Variants in FCHSD2 observed in about 807,000 individuals in gnomAD.
FCHSD2 encodes the protein FCH and double SH3 domains 2.
A neutral mutation model predicts 108.1 loss-of-function variants in FCHSD2; 38 were observed. That is an observed-to-expected ratio of 0.35 (90% CI 0.27 to 0.46). The LOEUF is 0.46. Among genes scored for constraint, FCHSD2 ranks in the 20% least tolerant of loss-of-function variants. The pLI is 1.00. For missense variants in FCHSD2, 751 were observed against 897.8 expected (o/e 0.84, Z 2.09); for synonymous variants, 279 against 314.7 (o/e 0.89, Z 1.20).
chr11:73,011,150 C>A (rs906321647), intron 4 of FCHSD2, among the ~76,000 whole-genome samples: 2 of 152,138 alleles, frequency 1.3e-5, no homozygotes, highest in African/African-American at 4.8e-5. Flanking sequence ...AGCCTGTGTG[C>A]TCTGGCATGG....
intron 3 of FCHSD2, among the ~76,000 whole-genome samples, chr11:73,083,471 C>A (rs900494910): frequency 2.6e-5 from 4 of 151,942 alleles, no homozygotes; most frequent in African/African-American, 9.7e-5. Context: ...ATCGCTTGAA[C>A]CTGAGAGGCG....
chr11:73,051,200 A>G (rs1565385734), intron 3 of FCHSD2, among the ~76,000 whole-genome samples: 1 of 152,162 alleles, frequency 6.6e-6, no homozygotes, highest in Non-Finnish European at 1.5e-5. Context: ...TGGTGCTGCC[A>G]GTGGTGTTGC....
intron 13 of FCHSD2, among the ~76,000 whole-genome samples, chr11:72,856,516 AG>A (rs1443253946): frequency 6.6e-6 from 1 of 152,218 alleles, no homozygotes; most frequent in African/African-American, 2.4e-5. Context: ...TAAAAATAAA[AG>A]GGAAAAGATT....
At chr11:73,083,390 A>T (rs1206392551) in intron 3 of FCHSD2, among the ~76,000 whole-genome samples, 1 of 152,050 alleles carries the variant, frequency 6.6e-6, no homozygotes, top group African/African-American at 2.4e-5. Context: ...CTCTACTAAA[A>T]ATACAAAAAT....
intron 3 of FCHSD2, among the ~76,000 whole-genome samples, chr11:73,083,333 A>G (rs1309400354): frequency 6.6e-6 from 1 of 152,034 alleles, no homozygotes; most frequent in Non-Finnish European, 1.5e-5. Flanking sequence ...GACGGATCAT[A>G]AGGTCAAGAG....
chr11:73,000,984 C>A lies in FCHSD2; in HGVS notation c.387+6G>T, dbSNP rs749239138. On this transcript the variant is annotated splice_donor_region_variant and intron_variant, in intron 5 of 19. Transcript: ENST00000409418. ...ATGCATATAAGAACAGAAATAAAAA[C>A]AATACCCTTTTTAGTTGCTGTTCTT... is the stretch of plus-strand genomic sequence containing the variant. 1.9e-6 allele frequency: 3 copies of A among 1,598,132 alleles called. No homozygotes were observed. Among genetic ancestry groups the A allele is most frequent in the Non-Finnish European group, 2.6e-6 (3 of 1,171,410 alleles).
intron 6 of FCHSD2, among the ~76,000 whole-genome samples, chr11:72,987,972 A>G (rs1390311269): frequency 1.3e-5 from 2 of 152,196 alleles, no homozygotes; most frequent in Admixed American, 1.3e-4. Flanking sequence ...GAAATATTAA[A>G]TGTGTTTTCC....
At chr11:73,083,500 G>A (rs566038300) in intron 3 of FCHSD2, among the ~76,000 whole-genome samples, 195 bp downstream of exon 3, 1 of 150,774 alleles carries the variant, frequency 6.6e-6, no homozygotes, top group South Asian at 2.1e-4. Context: ...AGTGAGCCAA[G>A]ATTGCGCCAC....
intron 3 of FCHSD2, among the ~76,000 whole-genome samples, chr11:73,027,293 T>C (rs189050305): frequency 2.6e-5 from 4 of 152,230 alleles, no homozygotes; most frequent in Admixed American, 2.0e-4. Flanking sequence ...TATTGAGAAC[T>C]AGAGCAAAGG....
chr11:72,863,130 T>C (rs983757589), intron 13 of FCHSD2, among the ~76,000 whole-genome samples: 4 of 151,978 alleles, frequency 2.6e-5, no homozygotes, highest in African/African-American at 9.7e-5. Context: ...CAGGGTCTAC[T>C]ATGTTGCTCA....
At chr11:72,968,522 C>T (rs1018438687) in intron 8 of FCHSD2, among the ~76,000 whole-genome samples, 2 of 152,208 alleles carry the variant, frequency 1.3e-5, no homozygotes, top group Admixed American at 1.3e-4. Flanking sequence ...AACTGTGGCA[C>T]ATGTATCTTA....
intron 2 of FCHSD2, among the ~76,000 whole-genome samples, chr11:73,090,233 T>TC (rs1364704277): frequency 3.5e-5 from 5 of 142,228 alleles, no homozygotes; most frequent in Non-Finnish European, 4.6e-5. Context: ...TTTTTTTTTT[T>TC]TTTTTTTTTT....
At chr11:73,083,632 T>G in intron 3 of FCHSD2, 63 bp downstream of exon 3, 2 of 994,368 alleles carry the variant, frequency 2.0e-6, no homozygotes, top group Admixed American at 4.2e-5. Context: ...CCAAAAACCA[T>G]CTCTGTCCTT....
intron 10 of FCHSD2, among the ~76,000 whole-genome samples, chr11:72,899,961 C>T (rs1267312718): frequency 6.6e-6 from 1 of 152,088 alleles, no homozygotes; most frequent in Non-Finnish European, 1.5e-5. Flanking sequence ...ACAAGTCTCC[C>T]TTACTAGGCT....
intron 8 of FCHSD2, among the ~76,000 whole-genome samples, chr11:72,943,403 T>C (rs1177346006): frequency 6.6e-6 from 1 of 152,188 alleles, no homozygotes; most frequent in Non-Finnish European, 1.5e-5. Flanking sequence ...CCAAGATGTC[T>C]GATGGAGAGG....
intron 2 of FCHSD2, among the ~76,000 whole-genome samples, chr11:73,097,653 C>T (rs1439646315): frequency 1.4e-5 from 2 of 146,916 alleles, no homozygotes; most frequent in African/African-American, 5.1e-5. Flanking sequence ...GATTCAATCC[C>T]TTCACTTGTT....
chr11:72,877,965 C>T (rs1855003614), intron 12 of FCHSD2, among the ~76,000 whole-genome samples: 1 of 152,044 alleles, frequency 6.6e-6, no homozygotes, highest in Admixed American at 6.6e-5. Flanking sequence ...CCACTGCACT[C>T]CAGCCTGGGT....
chr11:72,933,819 CTATT>C (rs1401967386), intron 8 of FCHSD2, among the ~76,000 whole-genome samples: 2 of 151,942 alleles, frequency 1.3e-5, no homozygotes, highest in African/African-American at 4.8e-5. Context: ...AAAGTAAAAA[CTATT>C]TAGTGCTGGG....
Position 72,914,963 on chromosome 11 carries a change from ATTTT to A in FCHSD2, c.828+6861_828+6864del, listed in dbSNP as rs144998272. On this transcript the variant is annotated intron_variant, in intron 9 of 19. Coordinates refer to ENST00000409418, the MANE Select transcript of FCHSD2 (RefSeq NM_014824.3). ...TAAAAAGGCATCCTACAGAATGGGA[ATTTT>A]TTTTTTTTTTTTTTTTGCAAACTAA... Among the ~76,000 whole-genome samples the A allele has an allele frequency of 5.8e-4, 70 of 120,464 alleles. 1 individual carries two copies. Among genetic ancestry groups the A allele is most frequent in the African/African-American group, 1.9e-3 (59 of 31,064 alleles). The allele number at this position is 120,464 out of a possible 152,430, so 79.0% of individuals were successfully genotyped here. A position where few individuals can be genotyped will look rare whatever the true frequency, so the allele number is the denominator to read the frequency against.
Sources: allele counts gnomAD v4.1 joint callset (sites outside exome capture counted in the v4.1 genomes callset), GRCh38; gene constraint gnomAD v4.1.1; transcripts MANE v1.5; gene names NCBI Gene and HGNC (gene_info 2026-07-23, HGNC 2026-07-21).